The following RNF130 variants were observed in gnomAD, a reference collection of about 807,000 sequenced individuals.
RNF130 encodes the protein E3 ubiquitin-protein ligase RNF130.
A neutral mutation model predicts 44.6 loss-of-function variants in RNF130; 21 were observed. That is an observed-to-expected ratio of 0.47 (90% CI 0.33 to 0.68). RNF130 has a LOEUF of 0.68. Among genes scored for constraint, RNF130 ranks in the 30% least tolerant of loss-of-function variants. The pLI, the probability that RNF130 is intolerant of heterozygous loss-of-function variation, is 0.02. For missense variants in RNF130, 479 were observed against 560.6 expected (o/e 0.85, Z 1.47); for synonymous variants, 214 against 210.4 (o/e 1.02, Z -0.15).
chr5:180,064,430 C>G (rs1765052046), intron 1 of RNF130, among the ~76,000 whole-genome samples: 1 of 152,136 alleles, frequency 6.6e-6, no homozygotes, highest in African/African-American at 2.4e-5. Context: ...CCCATAGTCC[C>G]CAGAGGCAAC....
At chr5:180,066,823 ACT>A (rs1230080885) in intron 1 of RNF130, among the ~76,000 whole-genome samples, 2 of 152,082 alleles carry the variant, frequency 1.3e-5, no homozygotes, top group Admixed American at 6.6e-5. Flanking sequence ...CAAGAGCGAA[ACT>A]CTGTCTCTAA....
chr5:179,930,614 C>A (rs867772514), intron 7 of RNF130, among the ~76,000 whole-genome samples: 3 of 152,282 alleles, frequency 2.0e-5, no homozygotes, highest in South Asian at 2.1e-4. Context: ...ACCTTATTTA[C>A]AATCTTAGGG....
intron 1 of RNF130, among the ~76,000 whole-genome samples, chr5:180,064,414 T>C (rs569351835): frequency 3.2e-4 from 49 of 152,256 alleles, no homozygotes; most frequent in African/African-American, 1.1e-3. Context: ...CCAGTCACCC[T>C]ACCTGCCCAT....
Position 179,936,586 on chromosome 5 carries a change from C to T in RNF130, c.1151-16160G>A, listed in dbSNP as rs149320317. 5.3e-5 allele frequency among the ~76,000 whole-genome samples: 8 copies of T among 152,212 alleles called. No homozygotes were observed. The Middle Eastern group carries it at 0.014, about 259-fold the overall frequency. On this transcript the variant is annotated intron_variant, in intron 7 of 7. Coordinates refer to the RNF130 transcript ENST00000522208. ...GTTTAGGTTGGCAGATATTTTTCCT[C>T]CCAATACTTTACTATTTTCTGGTTT...
At chr5:179,995,441 C>T (rs1161438520) in intron 3 of RNF130, among the ~76,000 whole-genome samples, 1 of 152,178 alleles carries the variant, frequency 6.6e-6, no homozygotes, top group Non-Finnish European at 1.5e-5. Context: ...CCCTTTCCTA[C>T]CAAAGACCCA....
chr5:180,002,619 G>A (rs1327909494), intron 3 of RNF130, among the ~76,000 whole-genome samples: 1 of 152,152 alleles, frequency 6.6e-6, no homozygotes, highest in African/African-American at 2.4e-5. Flanking sequence ...TATCCACAGT[G>A]TTGAAGGGGC....
At chr5:179,968,460 G>C (rs988224647) in intron 6 of RNF130, among the ~76,000 whole-genome samples, 3 of 151,972 alleles carry the variant, frequency 2.0e-5, no homozygotes, top group African/African-American at 7.3e-5. Flanking sequence ...GAGGTCAGGA[G>C]TTTGAGACCA....
At chr5:179,978,315 C>G in intron 4 of RNF130, 30 bp from the exon 5 acceptor site, 1 of 1,445,336 alleles carries the variant, frequency 6.9e-7, no homozygotes. Context: ...AACAAAAAGT[C>G]ACACGCTGCA....
intron 2 of RNF130, among the ~76,000 whole-genome samples, chr5:180,018,584 CA>C (rs904043633): frequency 3.4e-4 from 52 of 152,266 alleles, no homozygotes; most frequent in African/African-American, 1.2e-3. Context: ...TGGGTGGGGA[CA>C]CAGAGCCAAA....
intron 7 of RNF130, among the ~76,000 whole-genome samples, chr5:179,927,563 T>A (rs927859199): frequency 6.7e-6 from 1 of 150,156 alleles, no homozygotes; most frequent in African/African-American, 2.4e-5. Flanking sequence ...AATCCAGACT[T>A]CTCCCACACA....
chr5:180,044,201 C>T (rs13161895), intron 1 of RNF130, among the ~76,000 whole-genome samples: 19,132 of 152,058 alleles, frequency 0.13, 1,360 homozygotes, highest in East Asian at 0.25. Context: ...ACGGTACTTC[C>T]GTTTTTCTTA....
intron 1 of RNF130, among the ~76,000 whole-genome samples, chr5:180,053,825 CT>C (rs56130424): frequency 0.61 from 80,854 of 133,032 alleles, 22,896 homozygotes; most frequent in South Asian, 0.78. Flanking sequence ...CAAATACATT[CT>C]TTTTTTTTTT....
At chr5:179,949,101 G>A (rs1025931636) in intron 7 of RNF130, among the ~76,000 whole-genome samples, 1 of 151,936 alleles carries the variant, frequency 6.6e-6, no homozygotes, top group African/African-American at 2.4e-5. Flanking sequence ...GAGTAGCTGG[G>A]ATTACAGGCA....
intron 1 of RNF130, among the ~76,000 whole-genome samples, chr5:180,053,485 G>T (rs1030490193): frequency 3.9e-5 from 6 of 152,088 alleles, no homozygotes; most frequent in Admixed American, 1.3e-4. Context: ...CTTTAAGGAG[G>T]ACTCAAACAA....
At chr5:179,929,680 C>T (rs1761777191) in intron 7 of RNF130, among the ~76,000 whole-genome samples, 1 of 151,616 alleles carries the variant, frequency 6.6e-6, no homozygotes, top group African/African-American at 2.4e-5. Flanking sequence ...CCTGGGAGGT[C>T]AAGGCTGCAG....
At chr5:179,989,210 C>T (rs1102191) in intron 3 of RNF130, among the ~76,000 whole-genome samples, 19,292 of 152,194 alleles carry the variant, frequency 0.13, 1,401 homozygotes, top group East Asian at 0.27. Context: ...CTCTCTATCA[C>T]GAGAACAACA....
chr5:179,976,137 T>C (rs899122913), intron 5 of RNF130, among the ~76,000 whole-genome samples: 2 of 152,008 alleles, frequency 1.3e-5, no homozygotes, highest in East Asian at 1.9e-4. Context: ...CTGGGCAACA[T>C]AGTGAGACCC....
chr5:179,978,161 A>C, intron 5 of RNF130, 42 bp downstream of exon 5: 2 of 1,510,726 alleles, frequency 1.3e-6, no homozygotes, highest in Non-Finnish European at 1.8e-6. Flanking sequence ...CATACAAAGC[A>C]CATTAATATC....
intron 1 of RNF130, among the ~76,000 whole-genome samples, chr5:180,066,469 T>G (rs1765109661): frequency 6.6e-6 from 1 of 152,128 alleles, no homozygotes; most frequent in African/African-American, 2.4e-5. Context: ...ACTAATATAC[T>G]CCCCAACATG....
Sources: allele counts gnomAD v4.1 joint callset (sites outside exome capture counted in the v4.1 genomes callset), GRCh38; gene constraint gnomAD v4.1.1; transcripts MANE v1.5; gene names NCBI Gene and HGNC (gene_info 2026-07-23, HGNC 2026-07-21).